SLC18B1: variants seen among roughly 807,000 people sequenced by gnomAD.
The protein encoded by SLC18B1 is solute carrier family 18 member B1.
Under a neutral mutation model 53.9 loss-of-function variants are expected in SLC18B1, and 62 were observed. That is an observed-to-expected ratio of 1.15 (90% CI 0.94 to 1.42). The LOEUF is 1.42. Ranked by LOEUF, SLC18B1 falls within the 40% of genes most tolerant of loss-of-function variation. The pLI is 0.00. For synonymous variants in SLC18B1, 217 were observed against 200.9 expected, an observed-to-expected ratio of 1.08 and a Z score of -0.68; for missense variants, 598 against 547.3, an observed-to-expected ratio of 1.09 and a Z score of -0.93.
chr6:132,777,400 A>G (rs74941754), intron 7 of SLC18B1, among the ~76,000 whole-genome samples: 1,860 of 152,242 alleles, frequency 0.012, 32 homozygotes, highest in African/African-American at 0.039. Flanking sequence ...GAGAAACAAC[A>G]AAAAAGATTT....
Position 132,769,440 on chromosome 6 carries a change from C to T in SLC18B1, c.*830G>A, listed in dbSNP as rs1780915974. 1 of 152,104 alleles carries T rather than the reference C, an allele frequency of 6.6e-6. No individual in the cohort carries two copies. The allele number at this position is 152,104 out of a possible 1,614,324, so 9.4% of individuals were successfully genotyped here. A position where few individuals can be genotyped will look rare whatever the true frequency, so the allele number is the denominator to read the frequency against. ...CACACGAAGTTGGAGGAAGCCCTTC[C>T]CTAACAAAACAAGCATTCGCATTAG... is the stretch of plus-strand genomic sequence containing the variant. On this transcript the variant is annotated 3_prime_UTR_variant, in exon 14 of 14. Coordinates refer to ENST00000275227, the MANE Select transcript of SLC18B1 (RefSeq NM_052831.3).
Position 132,792,290 on chromosome 6 carries a change from AGGAAG to A in SLC18B1, c.184-2023_184-2019del, listed in dbSNP as rs1421502641. Among the ~76,000 whole-genome samples, 8 of 74,630 alleles carry A rather than the reference AGGAAG, an allele frequency of 1.1e-4. 1 individual carries two copies. Among genetic ancestry groups the A allele is most frequent in the African/African-American group, 6.7e-4 (8 of 12,020 alleles). The allele number at this position is 74,630 out of a possible 152,430, so 49.0% of individuals were successfully genotyped here. ...AAGAAAGAAAGAAAGAAAGGAAGAA[AGGAAG>A]GAAGGAAGGAAGGAAGGAAGGAAGG... On this transcript the variant is annotated intron_variant, in intron 2 of 13. Coordinates refer to ENST00000275227, the MANE Select transcript of SLC18B1 (RefSeq NM_052831.3).
rs751793170 is a variant in SLC18B1, at chr6:132,772,144, A to C, written c.1148T>G (p.Met383Arg). Residue 383 changes from methionine (M) to arginine (R), a missense_variant, in exon 11 of 14, where the codon ATG becomes AGG. Transcript: ENST00000275227. ...LGLVSGLFSA[M>R]WSIGAFMGPT... Reference sequence around the variant, plus strand: ...AATGACTACTCACCCAATTGACCACATTGCACTAAAAAGACCTGATACAAG... The same window carrying C: ...AATGACTACTCACCCAATTGACCACCTTGCACTAAAAAGACCTGATACAAG... The C allele has an allele frequency of 6.4e-7, 1 of 1,574,056 alleles. No homozygotes were observed. The highest frequency in any genetic ancestry group is 2.3e-5 in the East Asian group (1 of 42,946).
At chr6:132,787,650 T>C in intron 4 of SLC18B1, 69 bp from the exon 5 acceptor site, 1 of 1,372,952 alleles carries the variant, frequency 7.3e-7, no homozygotes, top group South Asian at 1.8e-5. Flanking sequence ...TTTTTAACTG[T>C]ACTCACTAAA....
rs770774646 is a variant in SLC18B1, at chr6:132,792,288, A to AAAGAAAG, written c.184-2017_184-2016insCTTTCTT. On this transcript the variant is annotated intron_variant, in intron 2 of 13. Transcript: ENST00000275227. ...GAAAGAAAGAAAGAAAGAAAGGAAGAAAGGAAGGAAGGAAGGAAGGAAGGA... is the reference window on the plus strand; with the variant it reads ...GAAAGAAAGAAAGAAAGAAAGGAAGAAAGAAAGAAGGAAGGAAGGAAGGAAGGAAGGA... 4.0e-4 allele frequency among the ~76,000 whole-genome samples: 16 copies of AAAGAAAG among 39,934 alleles called. 1 individual carries two copies. Among genetic ancestry groups the AAAGAAAG allele is most frequent in the African/African-American group, 1.5e-3 (12 of 7,762 alleles). 26.2% of individuals were successfully genotyped at this position (39,934 alleles called of 152,430 possible). A position where few individuals can be genotyped will look rare whatever the true frequency, so the allele number is the denominator to read the frequency against.
chr6:132,773,212 T>C, intron 9 of SLC18B1, 124 bp from the exon 10 acceptor site: 2 of 483,364 alleles, frequency 4.1e-6, no homozygotes, highest in Non-Finnish European at 7.6e-6. Context: ...ATGTGCCTAG[T>C]CTCATTCCCT....
At chr6:132,770,616 A>G (rs184721184) in intron 13 of SLC18B1, among the ~76,000 whole-genome samples, 27 of 152,238 alleles carry the variant, frequency 1.8e-4, no homozygotes, top group Non-Finnish European at 2.6e-4. Flanking sequence ...CATGCCTGTA[A>G]TCTCAGCTAC....
rs146601172 is a variant in SLC18B1, at chr6:132,788,486, A to G, written c.354-905T>C. Among the ~76,000 whole-genome samples the G allele has an allele frequency of 2.2e-3, 337 of 152,172 alleles. 3 individuals are homozygous for G. Among genetic ancestry groups the G allele is most frequent in the African/African-American group, 7.7e-3 (321 of 41,512 alleles). ...TTAGTTGCCCTTTTCTGCTGATATA[A>G]CTGGTCCCCCAGATGATAGTACTAA... On this transcript the variant is annotated intron_variant, in intron 4 of 13. Coordinates refer to ENST00000275227, the MANE Select transcript of SLC18B1 (RefSeq NM_052831.3).
At chr6:132,788,160 C>CA (rs1014891371) in intron 4 of SLC18B1, among the ~76,000 whole-genome samples, 5 of 104,764 alleles carry the variant, frequency 4.8e-5, no homozygotes, top group Non-Finnish European at 9.8e-5. Context: ...GACTCTGTCT[C>CA]AAAAAAAAGA....
rs920593881 is a variant in SLC18B1 at position 132,795,004 on chromosome 6, C to CA, written c.183+1977dup. 1.7e-4 allele frequency among the ~76,000 whole-genome samples: 25 copies of CA among 149,992 alleles called. No individual in the cohort carries two copies. In the East Asian group the frequency reaches 3.7e-3, roughly 22 times the overall value. On this transcript the variant is annotated intron_variant, in intron 2 of 13. Coordinates refer to ENST00000275227, the MANE Select transcript of SLC18B1 (RefSeq NM_052831.3). ...TCGATGACAGAGTGAAACCCTGTCT[C>CA]AAAAAAAAAGCCCCAACTTAGATTT...
intron 10 of SLC18B1, among the ~76,000 whole-genome samples, chr6:132,772,643 CA>C (rs1199754514): frequency 4.6e-5 from 7 of 152,022 alleles, no homozygotes; most frequent in Non-Finnish European, 7.4e-5. Context: ...GAATGATGAC[CA>C]GGTGACAGAT....
At chr6:132,775,349 T>C (rs942051336) in intron 8 of SLC18B1, among the ~76,000 whole-genome samples, 1 of 152,236 alleles carries the variant, frequency 6.6e-6, no homozygotes, top group African/African-American at 2.4e-5. Context: ...GTATCCTGAA[T>C]GGACTAAGAT....
At chr6:132,792,556 T>TA (rs1781578292) in intron 2 of SLC18B1, among the ~76,000 whole-genome samples, 1 of 152,120 alleles carries the variant, frequency 6.6e-6, no homozygotes, top group Non-Finnish European at 1.5e-5. Flanking sequence ...ATCTCTTTAT[T>TA]AAGTGCCGTT....
At chr6:132,788,834 A>G (rs1385815509) in intron 4 of SLC18B1, among the ~76,000 whole-genome samples, 11 of 150,956 alleles carry the variant, frequency 7.3e-5, no homozygotes, top group Non-Finnish European at 1.5e-4. Flanking sequence ...AAAAGAAAAA[A>G]AAAAAAAAAA....
chr6:132,777,713 C>A (rs1781133509), intron 7 of SLC18B1, among the ~76,000 whole-genome samples: 1 of 152,150 alleles, frequency 6.6e-6, no homozygotes, highest in Admixed American at 6.5e-5. Flanking sequence ...GGCTCCATCT[C>A]AAACAAAACA....
At position 132,789,807 on chromosome 6, in the gene SLC18B1, C is replaced by A. The variant is rs545976939; in HGVS notation, c.310G>T (p.Val104Leu). Residue 104 changes from valine (V) to leucine (L), a missense_variant, in exon 4 of 14, where the codon GTA becomes TTA. Coordinates refer to ENST00000275227, the MANE Select transcript of SLC18B1 (RefSeq NM_052831.3). ...LVHIGAKFMF[V>L]AGMFVSGGVT... ...CCTCCTGAGACAAACATTCCTGCTA[C>A]AAACATAAATTTTGCTCCAATATGT... The A allele has an allele frequency of 6.2e-7, 1 of 1,613,468 alleles. No individual in the cohort carries two copies. Among genetic ancestry groups the A allele is most frequent in the Non-Finnish European group, 8.5e-7 (1 of 1,179,492 alleles).
Position 132,790,164 on chromosome 6 carries a change from A to T in SLC18B1, c.279+13T>A. On this transcript the variant is annotated intron_variant, in intron 3 of 13. Coordinates refer to ENST00000275227, the MANE Select transcript of SLC18B1 (RefSeq NM_052831.3). ...TTTAAAAATTAAGATGTGCATATGA[A>T]CTTTATACTTACATAGTTTCCAAAT... The T allele has an allele frequency of 6.5e-7, 1 of 1,537,270 alleles. No individual in the cohort carries two copies. The highest frequency in any genetic ancestry group is 8.8e-7 in the Non-Finnish European group (1 of 1,138,290).
intron 5 of SLC18B1, among the ~76,000 whole-genome samples, chr6:132,784,479 A>G (rs1438372172): frequency 6.6e-6 from 1 of 152,248 alleles, no homozygotes; most frequent in Non-Finnish European, 1.5e-5. Flanking sequence ...TAAACAACCC[A>G]TAGAAAAATG....
At chr6:132,781,903 A>G (rs1407289087) in intron 6 of SLC18B1, among the ~76,000 whole-genome samples, 1 of 151,918 alleles carries the variant, frequency 6.6e-6, no homozygotes, top group Non-Finnish European at 1.5e-5. Context: ...AAATCTAACA[A>G]TAGGCCAGGT....
Sources: gnomAD v4.1 joint callset for allele counts (sites outside exome capture counted in the v4.1 genomes callset) on GRCh38, gnomAD v4.1.1 for gene constraint, MANE v1.5 for transcripts, NCBI Gene and HGNC (gene_info 2026-07-23, HGNC 2026-07-21) for gene names.